KPNA1: variants seen among roughly 807,000 people sequenced by gnomAD.
KPNA1 encodes karyopherin subunit alpha 1.
In KPNA1, 10 loss-of-function variants were observed where a neutral mutation model predicts 70.5. The ratio of observed to expected loss-of-function variants is 0.14; its 90% confidence interval spans 0.09 to 0.24. The LOEUF is 0.24. KPNA1 is among the 10% of genes least tolerant of loss of function. The probability of loss-of-function intolerance (pLI) is 1.00; values close to 1 mark genes in which losing one functional copy is unlikely to be tolerated. For synonymous variants in KPNA1, 192 were observed against 221.9 expected, an observed-to-expected ratio of 0.87 and a Z score of 1.20; for missense variants, 397 against 637.9, an observed-to-expected ratio of 0.62 and a Z score of 4.07.
chr3:122,454,205 T>C (rs1307813205), intron 5 of KPNA1, among the ~76,000 whole-genome samples: 1 of 152,150 alleles, frequency 6.6e-6, no homozygotes, highest in East Asian at 1.9e-4. Flanking sequence ...GTGTCTAAAA[T>C]TTCAGTTCAA....
intron 1 of KPNA1, among the ~76,000 whole-genome samples, chr3:122,502,294 C>G (rs1479553076): frequency 6.6e-6 from 1 of 152,160 alleles, no homozygotes; most frequent in Non-Finnish European, 1.5e-5. Context: ...TATGTTGACA[C>G]CCTAACCACC....
intron 9 of KPNA1, among the ~76,000 whole-genome samples, chr3:122,446,404 A>C (rs2076138626): frequency 6.6e-6 from 1 of 152,234 alleles, no homozygotes; most frequent in South Asian, 2.1e-4. Context: ...AAACTGAACA[A>C]CCTGATCCTG....
chr3:122,434,987 T>C (rs2075965711), intron 11 of KPNA1, among the ~76,000 whole-genome samples: 1 of 152,224 alleles, frequency 6.6e-6, no homozygotes, highest in African/African-American at 2.4e-5. Context: ...TTATTATACC[T>C]GTGAAGGACG....
intron 3 of KPNA1, among the ~76,000 whole-genome samples, chr3:122,466,675 C>T (rs548897646): frequency 6.6e-6 from 1 of 152,150 alleles, no homozygotes; most frequent in Admixed American, 6.5e-5. Context: ...ACAAACAGGT[C>T]AATTTTGTAA....
intron 2 of KPNA1, among the ~76,000 whole-genome samples, chr3:122,473,654 T>TA (rs951609153): frequency 3.9e-5 from 6 of 152,036 alleles, no homozygotes; most frequent in African/African-American, 1.4e-4. Context: ...AGAAGAAGCA[T>TA]ATGAAAAAAA....
chr3:122,513,252 G>A (rs2076975667), intron 1 of KPNA1, among the ~76,000 whole-genome samples: 9 of 152,150 alleles, frequency 5.9e-5, no homozygotes, highest in Admixed American at 5.9e-4. Flanking sequence ...AGATACTTCA[G>A]ATTCAAATGT....
chr3:122,506,988 T>C (rs905698989), intron 1 of KPNA1, among the ~76,000 whole-genome samples: 1 of 152,174 alleles, frequency 6.6e-6, no homozygotes, highest in Non-Finnish European at 1.5e-5. Context: ...AGTGAAAAAT[T>C]GTAAAAAACC....
intron 2 of KPNA1, among the ~76,000 whole-genome samples, chr3:122,491,082 T>C (rs1474784189): frequency 6.6e-6 from 1 of 152,250 alleles, no homozygotes; most frequent in Non-Finnish European, 1.5e-5. Context: ...AATTCTTCTC[T>C]GTGTGGCTTA....
rs564818371 is a variant in KPNA1, at chr3:122,425,339, G to C, written c.*1646C>G. ...ATTTACCAGAGATGTATAATAGCTT[G>C]TCAGGGGCAACTTCCAAATAGTTTT... On this transcript the variant is annotated 3_prime_UTR_variant, in exon 14 of 14. Transcript: ENST00000344337. The C allele has an allele frequency of 1.3e-5, 2 of 152,766 alleles. No homozygotes were observed. The highest frequency in any genetic ancestry group is 4.1e-4 in the South Asian group (2 of 4,824). 9.5% of individuals were successfully genotyped at this position (152,766 alleles called of 1,614,324 possible). A position where few individuals can be genotyped will look rare whatever the true frequency, so the allele number is the denominator to read the frequency against.
chr3:122,514,477 G>GCGCCA (rs2076994211), intron 1 of KPNA1: 1 of 148,998 alleles, frequency 6.7e-6, no homozygotes, highest in Admixed American at 6.7e-5. Flanking sequence ...CCCCGCCGCC[G>GCGCCA]CGCCACGCCG....
At chr3:122,432,614 T>A (rs2075926414) in intron 12 of KPNA1, 1 of 152,196 alleles carries the variant, frequency 6.6e-6, no homozygotes, top group Admixed American at 6.5e-5. Context: ...AATTTTGGAT[T>A]CCCCATAAAG....
chr3:122,470,071 A>G (rs2076423917), intron 2 of KPNA1, among the ~76,000 whole-genome samples: 1 of 152,266 alleles, frequency 6.6e-6, no homozygotes, highest in South Asian at 2.1e-4. Context: ...ACATAAAGGA[A>G]GAACATCAAA....
intron 5 of KPNA1, among the ~76,000 whole-genome samples, chr3:122,458,413 C>T (rs116555124): frequency 0.023 from 3,529 of 152,308 alleles, 51 homozygotes; most frequent in Middle Eastern, 0.044. Context: ...GGTAGCAATG[C>T]TCAAAGCAGG....
chr3:122,504,666 G>A (rs576936093), intron 1 of KPNA1, among the ~76,000 whole-genome samples: 10 of 152,248 alleles, frequency 6.6e-5, no homozygotes, highest in South Asian at 4.1e-4. Flanking sequence ...CTGCGCACAC[G>A]CATGTATGTG....
chr3:122,441,848 G>C (rs1021178243), intron 10 of KPNA1, among the ~76,000 whole-genome samples, 190 bp downstream of exon 10: 2 of 152,256 alleles, frequency 1.3e-5, no homozygotes, highest in African/African-American at 4.8e-5. Context: ...CAATCCGTCC[G>C]CCTCAGTCTC....
intron 2 of KPNA1, among the ~76,000 whole-genome samples, chr3:122,491,850 A>ATTTTTTTT (rs67916227): frequency 3.1e-5 from 2 of 64,826 alleles, no homozygotes; most frequent in Non-Finnish European, 5.6e-5. Flanking sequence ...TGACCATCAC[A>ATTTTTTTT]TTTTTTTTTT....
intron 10 of KPNA1, 129 bp from the exon 11 acceptor site, chr3:122,437,424 G>A: frequency 6.4e-6 from 4 of 623,488 alleles, no homozygotes; most frequent in Non-Finnish European, 1.0e-5. Flanking sequence ...ACTTTATACA[G>A]GTAAAAAAAA....
intron 10 of KPNA1, among the ~76,000 whole-genome samples, chr3:122,439,652 A>G (rs1432042832): frequency 6.6e-6 from 1 of 152,230 alleles, no homozygotes; most frequent in Non-Finnish European, 1.5e-5. Context: ...AATGCAAATA[A>G]CATTACTTTA....
chr3:122,437,336 C>A, intron 10 of KPNA1, 41 bp from the exon 11 acceptor site: 1 of 1,445,522 alleles, frequency 6.9e-7, no homozygotes, highest in South Asian at 1.3e-5. Flanking sequence ...TTGTATTGTT[C>A]TAAATATCAA....
Sources: allele counts gnomAD v4.1 joint callset (sites outside exome capture counted in the v4.1 genomes callset), GRCh38; gene constraint gnomAD v4.1.1; transcripts MANE v1.5; gene names NCBI Gene and HGNC (gene_info 2026-07-23, HGNC 2026-07-21).